GALNT12: variants seen among roughly 807,000 people sequenced by gnomAD.
GALNT12 encodes UDP-GalNAc:polypeptide N-acetylgalactosaminyltransferase 12.
Under a neutral mutation model 55.5 loss-of-function variants are expected in GALNT12, and 45 were observed. The observed-to-expected ratio is 0.81, with a 90% CI of 0.64 to 1.04. GALNT12 has a LOEUF of 1.04. GALNT12 is among the 50% of genes least tolerant of loss of function. GALNT12 has a pLI of 0.00. For synonymous variants in GALNT12, 304 were observed against 312.2 expected (o/e 0.97, Z 0.28); for missense variants, 709 against 754.8 (o/e 0.94, Z 0.71).
chr9:98,847,839 G>A (rs528449055), intron 9 of GALNT12, among the ~76,000 whole-genome samples: 14 of 137,828 alleles, frequency 1.0e-4, no homozygotes, highest in Admixed American at 3.1e-4. Context: ...TTTTTGAGAC[G>A]GAGCCTTGCT....
Position 98,827,040 on chromosome 9 carries a change from TG to T in GALNT12, c.731+102del, listed in dbSNP as rs1835874459. 32 of 1,243,990 alleles carry T rather than the reference TG, an allele frequency of 2.6e-5. No individual in the cohort carries two copies. The South Asian group carries it at 3.7e-4, about 15-fold the overall frequency. 77.1% of individuals were successfully genotyped at this position (1,243,990 alleles called of 1,614,324 possible). On this transcript the variant is annotated intron_variant, in intron 3 of 9. Transcript: ENST00000375011. Reference sequence around the variant, plus strand: ...GTCACTTGAGGGTTAACGGGTTGCCTGGGCTCAGCTGCTTCTCTGTCACTGG... The same window carrying T: ...GTCACTTGAGGGTTAACGGGTTGCCTGGCTCAGCTGCTTCTCTGTCACTGG...
At chr9:98,821,518 AG>A (rs961753587) in intron 1 of GALNT12, among the ~76,000 whole-genome samples, 7 of 150,910 alleles carry the variant, frequency 4.6e-5, no homozygotes, top group African/African-American at 7.3e-5. Context: ...CCAGCTACTC[AG>A]GAGGCTGAGG....
At chr9:98,847,051 C>T (rs1836437055) in intron 9 of GALNT12, 1 of 152,150 alleles carries the variant, frequency 6.6e-6, no homozygotes, top group Non-Finnish European at 1.5e-5. Context: ...CTGAGGGTTA[C>T]CTCAGACCTG....
intron 1 of GALNT12, among the ~76,000 whole-genome samples, chr9:98,815,529 T>A (rs1835591939): frequency 6.6e-6 from 1 of 152,142 alleles, no homozygotes; most frequent in Non-Finnish European, 1.5e-5. Flanking sequence ...TAAAACAGAA[T>A]GCCTTTAGGA....
At chr9:98,820,342 T>C (rs1318201527) in intron 1 of GALNT12, among the ~76,000 whole-genome samples, 1 of 152,124 alleles carries the variant, frequency 6.6e-6, no homozygotes, top group Non-Finnish European at 1.5e-5. Context: ...TGAGAACATG[T>C]GGTATTTGGT....
chr9:98,820,258 G>A (rs914986545), intron 1 of GALNT12, among the ~76,000 whole-genome samples: 8 of 151,982 alleles, frequency 5.3e-5, no homozygotes, highest in African/African-American at 9.7e-5. Flanking sequence ...TCCCACCCCC[G>A]ACGACAGGCC....
intron 1 of GALNT12, among the ~76,000 whole-genome samples, chr9:98,809,191 G>A (rs1835441492): frequency 6.6e-6 from 1 of 152,220 alleles, no homozygotes; most frequent in Admixed American, 6.5e-5. Flanking sequence ...CTTGGCCAGA[G>A]AGACCATGAA....
intron 4 of GALNT12, among the ~76,000 whole-genome samples, chr9:98,834,435 G>T (rs1836079980): frequency 6.6e-6 from 1 of 152,120 alleles, no homozygotes; most frequent in Non-Finnish European, 1.5e-5. Context: ...CCCTATTTCT[G>T]AATTCATCCT....
chr9:98,849,815 T>C lies in GALNT12; in HGVS notation c.*723T>C, dbSNP rs1836510102. 1 of 382,704 alleles carries C rather than the reference T, an allele frequency of 2.6e-6. No homozygotes were observed. Among genetic ancestry groups the C allele is most frequent in the African/African-American group, 2.1e-5 (1 of 48,404 alleles). 23.7% of individuals were successfully genotyped at this position (382,704 alleles called of 1,614,324 possible). A position where few individuals can be genotyped will look rare whatever the true frequency, so the allele number is the denominator to read the frequency against. On this transcript the variant is annotated 3_prime_UTR_variant, in exon 10 of 10. Coordinates refer to ENST00000375011, the MANE Select transcript of GALNT12 (RefSeq NM_024642.5). ...TGTAGTGTGGCTGGTTCTACCACTATGACTTTAAAACATGTTTATATCATT... is the reference window on the plus strand; with the variant it reads ...TGTAGTGTGGCTGGTTCTACCACTACGACTTTAAAACATGTTTATATCATT...
intron 5 of GALNT12, among the ~76,000 whole-genome samples, chr9:98,835,903 T>C (rs1005164373): frequency 6.6e-6 from 1 of 152,144 alleles, no homozygotes; most frequent in Non-Finnish European, 1.5e-5. Context: ...GCCCGGCTAA[T>C]TTTTGTATTT....
chr9:98,823,193 A>G (rs753346499), intron 1 of GALNT12, 63 bp from the exon 2 acceptor site: 13 of 1,476,416 alleles, frequency 8.8e-6, no homozygotes, highest in South Asian at 1.1e-5. Context: ...CCCCTTTGTC[A>G]CTCCATCCCC....
chr9:98,820,935 A>G (rs1298014610), intron 1 of GALNT12, among the ~76,000 whole-genome samples: 2 of 152,234 alleles, frequency 1.3e-5, no homozygotes, highest in Non-Finnish European at 2.9e-5. Context: ...TACTATGCTT[A>G]TTAAAAAAGA....
chr9:98,844,636 A>G lies in GALNT12; in HGVS notation c.1458+427A>G, dbSNP rs367782623. 237 of 237,554 alleles carry G rather than the reference A, an allele frequency of 1.0e-3. 1 individual carries two copies. Among genetic ancestry groups the G allele is most frequent in the African/African-American group, 5.1e-3 (217 of 42,744 alleles). 14.7% of individuals were successfully genotyped at this position (237,554 alleles called of 1,614,324 possible). A position where few individuals can be genotyped will look rare whatever the true frequency, so the allele number is the denominator to read the frequency against. ...TAACACCTTGGGTCAGACAGAAGGA[A>G]GGATAAAGTAACAGATCTGCATTTC... On this transcript the variant is annotated intron_variant, in intron 8 of 9. Transcript: ENST00000375011.
Position 98,840,074 on chromosome 9 carries a change from T to C in GALNT12, c.1285T>C (p.Leu429=), listed in dbSNP as rs757157315. ...CCAGTGTAAAGACTTCAAGTGGTTCTTGGAGACTGTGTATCCAGAACTGCA... is the reference window on the plus strand; with the variant it reads ...CCAGTGTAAAGACTTCAAGTGGTTCCTGGAGACTGTGTATCCAGAACTGCA... The part of the protein sequence containing the change: ...KLQCKDFKWF[L]ETVYPELHVP... Residue 429 remains leucine, a synonymous_variant, in exon 7 of 10, where the codon TTG becomes CTG. Coordinates refer to ENST00000375011, the MANE Select transcript of GALNT12 (RefSeq NM_024642.5). 5.0e-6 allele frequency: 8 copies of C among 1,614,206 alleles called. No homozygotes were observed. The highest frequency in any genetic ancestry group is 6.8e-6 in the Non-Finnish European group (8 of 1,180,032).
chr9:98,844,042 ATC>A (rs1836356286), intron 7 of GALNT12, 52 bp from the exon 8 acceptor site: 1 of 1,224,240 alleles, frequency 8.2e-7, no homozygotes, highest in Admixed American at 1.7e-5. Flanking sequence ...CTTGTGTGGC[ATC>A]TGTTAGTGTC....
At chr9:98,840,758 T>C (rs1836269384) in intron 7 of GALNT12, among the ~76,000 whole-genome samples, 1 of 152,136 alleles carries the variant, frequency 6.6e-6, no homozygotes, top group African/African-American at 2.4e-5. Flanking sequence ...GCAGAGAGAA[T>C]GGTATGAGAA....
In GALNT12 at chr9:98,826,830, G is replaced by A; in HGVS notation, c.620G>A (p.Gly207Asp). 1 of 1,611,606 alleles carries A rather than the reference G, an allele frequency of 6.2e-7. No individual in the cohort carries two copies. The highest frequency in any genetic ancestry group is 8.5e-7 in the Non-Finnish European group (1 of 1,179,416). Residue 207 changes from glycine (G) to aspartate (D), a missense_variant, in exon 3 of 10, where the codon GGC becomes GAC. Gly to Asp is a moderately conservative substitution (Grantham distance 94). Around this residue, in one of 5 missense-constraint regions of GALNT12, gnomAD observed 315 missense variants for 288.6 expected, o/e 1.09. Transcript: ENST00000375011. ...CTGATCCGCGCCAACAAGAGAGAGG[G>A]CCTGGTGCGAGCCCGGCTGCTGGGG... The part of the protein sequence containing the change: ...VRLIRANKRE[G>D]LVRARLLGAS...
chr9:98,831,545 G>C (rs1835991759), intron 3 of GALNT12, among the ~76,000 whole-genome samples: 1 of 152,138 alleles, frequency 6.6e-6, no homozygotes, highest in Admixed American at 6.5e-5. Flanking sequence ...TAAAGTCATG[G>C]GACTTTTTGT....
intron 2 of GALNT12, 95 bp downstream of exon 2, chr9:98,823,520 T>G: frequency 9.4e-7 from 1 of 1,063,582 alleles, no homozygotes; most frequent in African/African-American, 1.6e-5. Context: ...GTAGGCCCAG[T>G]AAGGATGGGC....
Sources: allele counts gnomAD v4.1 joint callset (sites outside exome capture counted in the v4.1 genomes callset), GRCh38; gene constraint gnomAD v4.1.1; regional missense constraint gnomAD v4.1.1; transcripts MANE v1.5; gene names NCBI Gene and HGNC (gene_info 2026-07-23, HGNC 2026-07-21).